Variants in FRRS1 observed in about 807,000 individuals in gnomAD.
The protein encoded by FRRS1 is ferric chelate reductase 1, also known as ferric reductase 1.
In FRRS1, 51 loss-of-function variants were observed where a neutral mutation model predicts 70.7. The ratio of observed to expected loss-of-function variants is 0.72; its 90% CI spans 0.58 to 0.91. The LOEUF is 0.91. Ranked by LOEUF, FRRS1 falls within the 40% of genes least tolerant of loss-of-function variation. FRRS1 has a pLI of 0.00. For missense variants in FRRS1, 672 were observed against 726.0 expected (o/e 0.93, Z 0.86); for synonymous variants, 225 against 238.7 (o/e 0.94, Z 0.53).
chr1:99,735,565 G>A lies in FRRS1; in HGVS notation c.759+2521C>T, dbSNP rs181272386. ...AAATAACCACTTAAAAATATATTTT[G>A]AGGATGATTCATTTCCCCCAAGTTA... On this transcript the variant is annotated intron_variant, in intron 7 of 16. Coordinates refer to ENST00000646001, the MANE Select transcript of FRRS1 (RefSeq NM_001361041.2). Among the ~76,000 whole-genome samples, 5 of 152,286 alleles carry A rather than the reference G, an allele frequency of 3.3e-5. No homozygotes were observed. In the East Asian group the frequency reaches 9.6e-4, roughly 29 times the overall value.
intron 9 of FRRS1, among the ~76,000 whole-genome samples, chr1:99,722,304 C>T (rs1654873171): frequency 6.6e-6 from 1 of 152,072 alleles, no homozygotes; most frequent in African/African-American, 2.4e-5. Flanking sequence ...CACTGTGCCT[C>T]GCCTGTTAAA....
intron 12 of FRRS1, among the ~76,000 whole-genome samples, chr1:99,713,113 T>C (rs1654353557): frequency 6.8e-6 from 1 of 146,608 alleles, no homozygotes; most frequent in African/African-American, 2.7e-5. Context: ...GTTTAGAATG[T>C]GCTAGGAACT....
intron 9 of FRRS1, among the ~76,000 whole-genome samples, chr1:99,725,985 C>T (rs917672220): frequency 6.6e-6 from 1 of 152,160 alleles, no homozygotes; most frequent in African/African-American, 2.4e-5. Flanking sequence ...GTATCTATAA[C>T]ATGTTGGGCA....
intron 5 of FRRS1, 123 bp from the exon 6 acceptor site, chr1:99,741,063 C>G (rs1016697158): frequency 2.2e-6 from 2 of 907,226 alleles, no homozygotes; most frequent in African/African-American, 3.3e-5. Context: ...CCTAACAGGA[C>G]TATTAATTTT....
rs1655199870 is a variant in FRRS1, at chr1:99,728,746, T to C, written c.859-106A>G. ...TCAGTTTCCTTTCTCTAAGATCGTATGTCCATGCTTTGTCTGCAGTGTCAT... is the reference window on the plus strand; with the variant it reads ...TCAGTTTCCTTTCTCTAAGATCGTACGTCCATGCTTTGTCTGCAGTGTCAT... On this transcript the variant is annotated intron_variant, in intron 8 of 16. Coordinates refer to ENST00000646001, the MANE Select transcript of FRRS1 (RefSeq NM_001361041.2). The C allele has an allele frequency of 4.6e-6, 4 of 866,930 alleles. No individual in the cohort carries two copies. The East Asian group carries it at 7.9e-5, about 17-fold the overall frequency. 53.7% of individuals were successfully genotyped at this position (866,930 alleles called of 1,614,324 possible).
rs1225577268 is a variant in FRRS1, at chr1:99,706,177, A to G, written c.*2851T>C. ...TGAGGCAAGGGGATTGCTTGAGCCC[A>G]GGAGTTCGAGATCAGCCTGGGCAAC... On this transcript the variant is annotated 3_prime_UTR_variant, in exon 17 of 17. Coordinates refer to ENST00000646001, the MANE Select transcript of FRRS1 (RefSeq NM_001361041.2). Among the ~76,000 whole-genome samples, 3 of 151,796 alleles carry G rather than the reference A, an allele frequency of 2.0e-5. No homozygotes were observed. Among genetic ancestry groups the G allele is most frequent in the African/African-American group, 7.3e-5 (3 of 41,194 alleles).
At chr1:99,716,454 G>A (rs1216690792) in intron 11 of FRRS1, among the ~76,000 whole-genome samples, 1 of 152,190 alleles carries the variant, frequency 6.6e-6, no homozygotes, top group African/African-American at 2.4e-5. Context: ...GAGAGAGAGA[G>A]AGCACAAGAG....
chr1:99,707,954 T>G lies in FRRS1; in HGVS notation c.*1074A>C, dbSNP rs1394489325. 6.6e-6 allele frequency among the ~76,000 whole-genome samples: 1 copy of G among 152,228 alleles called. No individual in the cohort carries two copies. The highest frequency in any genetic ancestry group is 1.5e-5 in the Non-Finnish European group (1 of 68,042). On this transcript the variant is annotated 3_prime_UTR_variant, in exon 17 of 17. Transcript: ENST00000646001. Reference sequence around the variant, plus strand: ...GGTTTTATCAATTTTGAAATCCAAGTGTATAATCCCCAAATGCTGTAAGGA... The same window carrying G: ...GGTTTTATCAATTTTGAAATCCAAGGGTATAATCCCCAAATGCTGTAAGGA...
At chr1:99,749,867 C>G (rs1571148209) in intron 1 of FRRS1, among the ~76,000 whole-genome samples, 1 of 152,148 alleles carries the variant, frequency 6.6e-6, no homozygotes, top group Middle Eastern at 3.2e-3. Context: ...AGGTGATGAG[C>G]AGTGACATGA....
chr1:99,728,415 G>C lies in FRRS1; in HGVS notation c.1006+78C>G, dbSNP rs556689136. 4.4e-4 allele frequency: 566 copies of C among 1,300,520 alleles called. 3 individuals carry two copies. The African/African-American group carries it at 7.7e-3, about 18-fold the overall frequency. The allele number at this position is 1,300,520 out of a possible 1,614,324, so 80.6% of individuals were successfully genotyped here. ...GCCTTAAAAACGGGCAATTACAGTA[G>C]TTTTTCCAAAAATGGGGGAAAGAGA... On this transcript the variant is annotated intron_variant, in intron 9 of 16. Coordinates refer to ENST00000646001, the MANE Select transcript of FRRS1 (RefSeq NM_001361041.2).
intron 4 of FRRS1, among the ~76,000 whole-genome samples, chr1:99,743,605 T>C (rs1251024641): frequency 6.6e-6 from 1 of 152,184 alleles, no homozygotes; most frequent in African/African-American, 2.4e-5. Flanking sequence ...AGACCACACA[T>C]GTGCCATTCA....
rs188756202 is a variant in FRRS1 at position 99,742,754 on chromosome 1, G to C, written c.334-481C>G. On this transcript the variant is annotated intron_variant, in intron 4 of 16. Coordinates refer to ENST00000646001, the MANE Select transcript of FRRS1 (RefSeq NM_001361041.2). ...CTCATTCTTTGAGGCCTTACTTGAA[G>C]TTCACCTCCTCCAAGAAGCTCTCTC... Among the ~76,000 whole-genome samples the C allele has an allele frequency of 2.0e-5, 3 of 152,272 alleles. No individual in the cohort carries two copies. The East Asian group carries it at 5.8e-4, about 29-fold the overall frequency.
chr1:99,749,806 G>A (rs1472587496), intron 1 of FRRS1, among the ~76,000 whole-genome samples: 1 of 152,116 alleles, frequency 6.6e-6, no homozygotes, highest in Non-Finnish European at 1.5e-5. Context: ...CAACCACTTT[G>A]CTTCATGCAT....
chr1:99,764,402 T>A (rs1657259275), intron 1 of FRRS1, among the ~76,000 whole-genome samples: 1 of 152,222 alleles, frequency 6.6e-6, no homozygotes, highest in African/African-American at 2.4e-5. Context: ...TTAAAGCATG[T>A]AGTGTTTTAT....
chr1:99,746,757 T>C (rs1037849020), intron 4 of FRRS1, among the ~76,000 whole-genome samples: 12 of 152,210 alleles, frequency 7.9e-5, no homozygotes, highest in Non-Finnish European at 1.2e-4. Flanking sequence ...TCCTATGATA[T>C]AGCACTGAAA....
chr1:99,765,944 A>T (rs1657335691), intron 1 of FRRS1, among the ~76,000 whole-genome samples: 1 of 152,122 alleles, frequency 6.6e-6, no homozygotes, highest in Non-Finnish European at 1.5e-5. Context: ...AATAAAAAAT[A>T]AAAATACAGA....
intron 1 of FRRS1, chr1:99,765,717 C>G (rs1268494053): frequency 6.6e-6 from 1 of 151,722 alleles, no homozygotes; most frequent in Non-Finnish European, 1.5e-5. Flanking sequence ...CTTGCCAACA[C>G]AGTGAAACCC....
chr1:99,727,396 T>G (rs897172242), intron 9 of FRRS1, among the ~76,000 whole-genome samples: 39 of 152,358 alleles, frequency 2.6e-4, no homozygotes, highest in African/African-American at 8.7e-4. Flanking sequence ...GATAACTACA[T>G]GTATCACCTA....
chr1:99,738,174 A>C lies in FRRS1; in HGVS notation c.671T>G (p.Phe224Cys). 1 of 1,613,048 alleles carries C rather than the reference A, an allele frequency of 6.2e-7. No individual in the cohort carries two copies. The change falls in exon 7 of 17, where the codon TTC becomes TGC. Residue 224 changes from phenylalanine (F) to cysteine (C), a missense_variant. Physicochemically the swap from Phe to Cys is radical, Grantham distance 205. Transcript: ENST00000646001. ...CATCACCGATTGGTCATCTCTTGTG[A>C]AGGACAAGAAGACACAGGAAGCCTC... ...EKEASCVFLS[F>C]TRDDQSVMVE... is the part of the protein sequence containing the mutation.
Sources: allele counts gnomAD v4.1 joint callset (sites outside exome capture counted in the v4.1 genomes callset), GRCh38; gene constraint gnomAD v4.1.1; transcripts MANE v1.5; gene names NCBI Gene and HGNC (gene_info 2026-07-23, HGNC 2026-07-21).